PGAP2: variants seen among roughly 807,000 people sequenced by gnomAD.
The protein encoded by PGAP2 is acyltransferase PGAP2.
A neutral mutation model predicts 33.2 loss-of-function variants in PGAP2; 21 were observed. The observed-to-expected ratio is 0.63, with a 90% CI of 0.45 to 0.91. The LOEUF is 0.91. PGAP2 is among the 40% of genes least tolerant of loss of function. The pLI is 0.00. For missense variants in PGAP2, 345 were observed against 424.0 expected (o/e 0.81, Z 1.64); for synonymous variants, 161 against 172.9 (o/e 0.93, Z 0.54).
chr11:3,823,053 T>TTTTTTC, intron 3 of PGAP2: 1 of 608,600 alleles, frequency 1.6e-6, no homozygotes, highest in South Asian at 2.2e-5. Context: ...TTTTTTTTTT[T>TTTTTTC]TGAGACAGAG....
chr11:3,814,863 T>TTCTTTCTTTCCTTC (rs1274662354), intron 2 of PGAP2, among the ~76,000 whole-genome samples: 2 of 150,926 alleles, frequency 1.3e-5, no homozygotes, highest in African/African-American at 4.9e-5. Flanking sequence ...TCTTTCTTTC[T>TTCTTTCTTTCCTTC]TTTCTTTCTT....
At chr11:3,821,803 C>T (rs1274731887) in intron 3 of PGAP2, among the ~76,000 whole-genome samples, 1 of 151,210 alleles carries the variant, frequency 6.6e-6, no homozygotes, top group African/African-American at 2.5e-5. Flanking sequence ...TGGCTTATGC[C>T]TGTAATCCCA....
chr11:3,801,098 C>T (rs2083380603), intron 1 of PGAP2, among the ~76,000 whole-genome samples: 1 of 150,740 alleles, frequency 6.6e-6, no homozygotes, highest in Non-Finnish European at 1.5e-5. Flanking sequence ...GGCACCATTG[C>T]ACTCCAGCGT....
intron 3 of PGAP2, chr11:3,822,871 C>T (rs925375299): frequency 2.7e-5 from 30 of 1,128,844 alleles, no homozygotes; most frequent in Admixed American, 1.7e-4. Context: ...AGACACCAGT[C>T]CCTGCAGCTG....
intron 4 of PGAP2, 61 bp from the exon 5 acceptor site, chr11:3,824,209 C>G: frequency 6.2e-7 from 1 of 1,612,116 alleles, no homozygotes; most frequent in Non-Finnish European, 8.5e-7. Flanking sequence ...ACATTCGGAC[C>G]TTCCTACTTC....
At chr11:3,813,028 C>G (rs1216896810) in intron 2 of PGAP2, among the ~76,000 whole-genome samples, 1 of 152,136 alleles carries the variant, frequency 6.6e-6, no homozygotes, top group East Asian at 1.9e-4. Flanking sequence ...CTGATCATCC[C>G]GCAAAACCCT....
chr11:3,802,494 C>T (rs1300215308), intron 1 of PGAP2, among the ~76,000 whole-genome samples: 2 of 152,214 alleles, frequency 1.3e-5, no homozygotes, highest in Admixed American at 6.5e-5. Context: ...CTGTCCTGGA[C>T]ATCAAGAGCC....
chr11:3,824,767 T>C, intron 5 of PGAP2: 5 of 1,419,052 alleles, frequency 3.5e-6, no homozygotes, highest in Non-Finnish European at 4.6e-6. Context: ...GGTGACTCCA[T>C]GTAACTTTCA....
At chr11:3,814,815 T>TTTCTTTCTTTCTCG (rs2086586266) in intron 2 of PGAP2, among the ~76,000 whole-genome samples, 2 of 121,406 alleles carry the variant, frequency 1.6e-5, no homozygotes, top group African/African-American at 5.6e-5. Context: ...TTTCTTTCTC[T>TTTCTTTCTTTCTCG]TTCTTTCTTT....
At chr11:3,822,241 G>A (rs9666326) in intron 3 of PGAP2, among the ~76,000 whole-genome samples, 4,337 of 152,124 alleles carry the variant, frequency 0.029, 181 homozygotes, top group African/African-American at 0.099. Context: ...ACGGGCGCCT[G>A]TAGTCCCAGC....
intron 1 of PGAP2, among the ~76,000 whole-genome samples, chr11:3,799,297 G>T (rs528672623): frequency 1.3e-5 from 2 of 152,124 alleles, no homozygotes; most frequent in Non-Finnish European, 2.9e-5. Context: ...CAGCACTTTG[G>T]GATGCTGAGG....
chr11:3,825,513 G>A lies in PGAP2; in HGVS notation c.*55G>A, dbSNP rs979346954. ...CCCACTGCCCAGAAACAAGAAACAC[G>A]ATACCATTCTGGCCTTCCCCACCCC... On this transcript the variant is annotated 3_prime_UTR_variant, in exon 7 of 7. Coordinates refer to ENST00000278243, the MANE Select transcript of PGAP2 (RefSeq NM_014489.4). 2.3e-5 allele frequency: 37 copies of A among 1,575,392 alleles called. No homozygotes were observed. Among genetic ancestry groups the A allele is most frequent in the South Asian group, 3.4e-5 (3 of 87,050 alleles).
At chr11:3,818,065 A>AT (rs2087550757) in intron 3 of PGAP2, 1 of 303,026 alleles carries the variant, frequency 3.3e-6, no homozygotes, top group Non-Finnish European at 6.5e-6. Flanking sequence ...AACAAAATAA[A>AT]AAAAAAAAAA....
intron 1 of PGAP2, among the ~76,000 whole-genome samples, chr11:3,799,050 C>G (rs1425901839): frequency 2.0e-5 from 3 of 152,242 alleles, no homozygotes; most frequent in Non-Finnish European, 4.4e-5. Flanking sequence ...GGGCAGGCCT[C>G]TGTTAAAGCC....
At chr11:3,817,844 G>A in intron 3 of PGAP2, 1 of 529,708 alleles carries the variant, frequency 1.9e-6, no homozygotes, top group Admixed American at 2.2e-5. Flanking sequence ...TTCAGTTCGA[G>A]ACCAGCCTGG....
chr11:3,814,280 G>A (rs543144030), intron 2 of PGAP2, among the ~76,000 whole-genome samples: 2 of 152,148 alleles, frequency 1.3e-5, no homozygotes, highest in East Asian at 3.9e-4. Context: ...TTATTTAGAT[G>A]TAGTCTCACT....
In PGAP2 at chr11:3,825,602, T is replaced by C. The variant is rs1214528307; in HGVS notation, c.*144T>C. On this transcript the variant is annotated 3_prime_UTR_variant, in exon 7 of 7. Transcript: ENST00000278243. ...AAGAAGGAAGGGTGTAGGCCAAGGC[T>C]CACCCCAGTGCTGCTGGCTTCTCCT... The C allele has an allele frequency of 2.2e-5, 18 of 823,010 alleles. No homozygotes were observed. The highest frequency in any genetic ancestry group is 3.3e-5 in the Non-Finnish European group (18 of 538,278). 51.0% of individuals were successfully genotyped at this position (823,010 alleles called of 1,614,324 possible).
upstream of PGAP2, among the ~76,000 whole-genome samples, chr11:3,804,982 G>A (rs145802670): frequency 4.9e-3 from 752 of 152,294 alleles, 1 homozygote; most frequent in Non-Finnish European, 6.1e-3. Flanking sequence ...GATTACAGGC[G>A]TGAGCCACCG....
upstream of PGAP2, among the ~76,000 whole-genome samples, chr11:3,806,672 G>A (rs906853457): frequency 3.9e-5 from 6 of 152,216 alleles, no homozygotes; most frequent in African/African-American, 1.4e-4. Context: ...GTTCTGGCAT[G>A]TATTAGCTGT....
Sources: gnomAD v4.1 joint callset for allele counts (sites outside exome capture counted in the v4.1 genomes callset) on GRCh38, gnomAD v4.1.1 for gene constraint, MANE v1.5 for transcripts, NCBI Gene and HGNC (gene_info 2026-07-23, HGNC 2026-07-21) for gene names.